DLGAP1: variants seen among roughly 807,000 people sequenced by gnomAD.
DLGAP1 encodes DLG associated protein 1.
DLGAP1 carries 11 observed loss-of-function variants against 90.8 expected under a neutral mutation model. The observed-to-expected ratio is 0.12, with a 90% confidence interval of 0.08 to 0.20. DLGAP1 has a LOEUF of 0.20. DLGAP1 is among the 10% of genes least tolerant of loss of function. The pLI, the probability that DLGAP1 is intolerant of heterozygous loss-of-function variation, is 1.00. For synonymous variants in DLGAP1, 558 were observed against 540.7 expected (o/e 1.03, Z -0.44); for missense variants, 1,050 against 1,333.8 (o/e 0.79, Z 3.31).
At chr18:3,751,558 ATT>A (rs71160916) in intron 5 of DLGAP1, among the ~76,000 whole-genome samples, 26 of 117,796 alleles carry the variant, frequency 2.2e-4, no homozygotes, top group African/African-American at 5.4e-4. Flanking sequence ...ACCCGACAAA[ATT>A]TTTTTTTTTT....
chr18:4,286,565 C>T (rs1228616591), intron 1 of DLGAP1, among the ~76,000 whole-genome samples: 3 of 152,042 alleles, frequency 2.0e-5, no homozygotes, highest in East Asian at 1.9e-4. Context: ...GGATTAAAAG[C>T]GTCAGAGGGT....
At chr18:4,305,810 C>A (rs1215448506) in intron 1 of DLGAP1, among the ~76,000 whole-genome samples, 2 of 152,092 alleles carry the variant, frequency 1.3e-5, no homozygotes, top group African/African-American at 2.4e-5. Context: ...TATTACCTAT[C>A]CCTTCTAATG....
chr18:3,762,968 C>T (rs1395790742), intron 5 of DLGAP1, among the ~76,000 whole-genome samples: 1 of 152,052 alleles, frequency 6.6e-6, no homozygotes, highest in East Asian at 1.9e-4. Context: ...GTAGGAAATC[C>T]TGCTAGGATG....
intron 1 of DLGAP1, among the ~76,000 whole-genome samples, chr18:4,172,661 C>CA (rs1024549511): frequency 1.3e-5 from 2 of 152,192 alleles, no homozygotes; most frequent in African/African-American, 4.8e-5. Context: ...TAACCAATCA[C>CA]AGTTTGGCAA....
intron 2 of DLGAP1, among the ~76,000 whole-genome samples, chr18:4,130,341 T>C (rs562987513): frequency 9.2e-5 from 14 of 152,276 alleles, no homozygotes; most frequent in Non-Finnish European, 7.4e-5. Flanking sequence ...CGAACACAGA[T>C]AGTACCTGGA....
At chr18:4,015,024 A>G (rs1292443780) in intron 2 of DLGAP1, among the ~76,000 whole-genome samples, 1 of 152,116 alleles carries the variant, frequency 6.6e-6, no homozygotes, top group African/African-American at 2.4e-5. Context: ...ATGCCTTTGA[A>G]CTGTTTGCTG....
At chr18:4,122,534 C>G (rs2076169186) in intron 2 of DLGAP1, among the ~76,000 whole-genome samples, 1 of 152,172 alleles carries the variant, frequency 6.6e-6, no homozygotes, top group African/African-American at 2.4e-5. Flanking sequence ...CCCTGTGGAA[C>G]TGTAGTGAAA....
At chr18:4,115,498 T>TTTCTTTCTTTC (rs2076048521) in intron 2 of DLGAP1, among the ~76,000 whole-genome samples, 2 of 75,460 alleles carry the variant, frequency 2.7e-5, no homozygotes, top group Admixed American at 2.4e-4. Context: ...TTCTTTCTTT[T>TTTCTTTCTTTC]TTTTTGAGAC....
At chr18:3,599,139 A>G (rs1217968870) in intron 7 of DLGAP1, among the ~76,000 whole-genome samples, 1 of 152,260 alleles carries the variant, frequency 6.6e-6, no homozygotes, top group African/African-American at 2.4e-5. Flanking sequence ...AAATAAAAAC[A>G]GTCTAGGAAC....
At chr18:4,298,488 T>C (rs985098842) in intron 1 of DLGAP1, among the ~76,000 whole-genome samples, 11 of 152,048 alleles carry the variant, frequency 7.2e-5, no homozygotes, top group East Asian at 1.9e-4. Flanking sequence ...ATGGATGAAA[T>C]TGGAAATCAT....
chr18:3,977,139 A>G (rs2073599116), intron 3 of DLGAP1, among the ~76,000 whole-genome samples: 1 of 152,152 alleles, frequency 6.6e-6, no homozygotes, highest in South Asian at 2.1e-4. Context: ...CAGTGGTGCC[A>G]TCTCGGCTCA....
At chr18:4,361,799 C>T (rs1442431935) in intron 1 of DLGAP1, among the ~76,000 whole-genome samples, 1 of 151,994 alleles carries the variant, frequency 6.6e-6, no homozygotes, top group Admixed American at 6.6e-5. Flanking sequence ...AATGGCCACA[C>T]ACAAAACAGG....
intron 3 of DLGAP1, among the ~76,000 whole-genome samples, chr18:3,880,706 G>C (rs931742367): frequency 1.3e-5 from 2 of 152,068 alleles, no homozygotes; most frequent in East Asian, 2.0e-4. Flanking sequence ...ACTTTGGGGG[G>C]CCAAGGAGGG....
At chr18:3,939,251 T>C (rs965465822) in intron 3 of DLGAP1, among the ~76,000 whole-genome samples, 2 of 151,630 alleles carry the variant, frequency 1.3e-5, no homozygotes, top group African/African-American at 4.8e-5. Flanking sequence ...AAATCCTGTC[T>C]CTATTAAAAA....
At chr18:3,884,148 C>T (rs886977916) in intron 3 of DLGAP1, among the ~76,000 whole-genome samples, 5 of 152,112 alleles carry the variant, frequency 3.3e-5, no homozygotes, top group African/African-American at 1.2e-4. Context: ...TAGGCTGTGG[C>T]AAGGAAGAAT....
chr18:3,967,788 T>C (rs535898817), intron 3 of DLGAP1, among the ~76,000 whole-genome samples: 4 of 152,274 alleles, frequency 2.6e-5, no homozygotes, highest in Admixed American at 2.6e-4. Context: ...AATTCGAGTT[T>C]ATGTATTTCC....
chr18:4,271,247 T>A (rs2079274126), intron 1 of DLGAP1, among the ~76,000 whole-genome samples: 1 of 152,166 alleles, frequency 6.6e-6, no homozygotes, highest in African/African-American at 2.4e-5. Flanking sequence ...AGGACCAATA[T>A]TTTTGAAGCT....
At chr18:3,797,679 T>G (rs983069329) in intron 5 of DLGAP1, among the ~76,000 whole-genome samples, 3 of 151,920 alleles carry the variant, frequency 2.0e-5, no homozygotes, top group African/African-American at 7.2e-5. Context: ...GGTGGGTCAC[T>G]ACACATAGTG....
intron 3 of DLGAP1, among the ~76,000 whole-genome samples, chr18:3,951,397 T>C (rs1300268024): frequency 6.6e-6 from 1 of 152,252 alleles, no homozygotes; most frequent in African/African-American, 2.4e-5. Flanking sequence ...GATGGATAAA[T>C]AGAAAACTTT....
Sources: gnomAD v4.1 joint callset for allele counts (sites outside exome capture counted in the v4.1 genomes callset) on GRCh38, gnomAD v4.1.1 for gene constraint, MANE v1.5 for transcripts, NCBI Gene and HGNC (gene_info 2026-07-23, HGNC 2026-07-21) for gene names.